Variants in MFN2 observed in about 807,000 individuals in gnomAD.
MFN2 encodes the protein mitofusin 2, also known as mitofusin-2.
Under a neutral mutation model 87.5 loss-of-function variants are expected in MFN2, and 43 were observed. The observed-to-expected ratio is 0.49, with a 90% CI of 0.38 to 0.63. The LOEUF (loss-of-function observed/expected upper bound fraction) is 0.63, where lower values mean the gene tolerates loss of function less well. Among genes scored for constraint, MFN2 ranks in the 30% least tolerant of loss-of-function variants. The probability of loss-of-function intolerance (pLI) is 0.00; values close to 1 mark genes in which losing one functional copy is unlikely to be tolerated. For synonymous variants in MFN2, 337 were observed against 359.9 expected (o/e 0.94, Z 0.72); for missense variants, 743 against 972.8 (o/e 0.76, Z 3.14).
intron 5 of MFN2, among the ~76,000 whole-genome samples, chr1:11,996,658 TG>T (rs1638919639): frequency 1.3e-5 from 2 of 152,214 alleles, no homozygotes; most frequent in African/African-American, 4.8e-5. Flanking sequence ...TGTGTGTCTC[TG>T]ACCTATCAGT....
chr1:12,013,125 A>G lies in MFN2; in HGVS notation c.*1560A>G, dbSNP rs1174787998. On this transcript the variant is annotated 3_prime_UTR_variant, in exon 19 of 19. Transcript: ENST00000235329. The stretch of plus-strand genomic sequence containing the variant: ...CGGCGTGTGCCGGGCCTGAATGGAC[A>G]GGGGCCACTTCACAGCATGTCAGGG... The G allele has an allele frequency of 5.7e-6, 2 of 348,924 alleles. No individual in the cohort carries two copies. The highest frequency in any genetic ancestry group is 2.2e-5 in the African/African-American group (1 of 46,342). 21.6% of individuals were successfully genotyped at this position (348,924 alleles called of 1,614,324 possible).
intron 4 of MFN2, among the ~76,000 whole-genome samples, chr1:11,993,418 C>CA (rs371031427): frequency 0.026 from 3,973 of 150,956 alleles, 138 homozygotes; most frequent in African/African-American, 0.081. Flanking sequence ...AGGCAAGCAT[C>CA]AAAAAAAAAT....
chr1:11,985,833 G>C (rs190743298), intron 2 of MFN2, among the ~76,000 whole-genome samples: 1 of 151,992 alleles, frequency 6.6e-6, no homozygotes, highest in African/African-American at 2.4e-5. Context: ...CCTCTTTCTC[G>C]AACAGTCTGA....
Position 12,011,508 on chromosome 1 carries a change from T to C in MFN2, c.2217T>C (p.Gly739=), listed in dbSNP as rs1176522836. 3 of 1,614,016 alleles carry C rather than the reference T, an allele frequency of 1.9e-6. No individual in the cohort carries two copies. Among genetic ancestry groups the C allele is most frequent in the African/African-American group, 1.3e-5 (1 of 74,914 alleles). The change falls in exon 19 of 19, where the codon GGT becomes GGC. Residue 739 remains glycine, a synonymous_variant. Coordinates refer to ENST00000235329, the MANE Select transcript of MFN2 (RefSeq NM_014874.4). ...CATTTCTTTGCAGGAATAAAGCCGG[T>C]TGGTTGGACAGTGAGCTCAACATGT... is the stretch of plus-strand genomic sequence containing the variant. ...SKAKLLRNKA[G]WLDSELNMFT... is the part of the protein sequence containing the mutation.
chr1:12,007,089 T>A lies in MFN2; in HGVS notation c.1909T>A (p.Ser637Thr), dbSNP rs763185826. ...KAVGWRLIAL[S>T]FGLYGLLYVY... is the part of the protein sequence containing the mutation. Reference sequence around the variant, plus strand: ...AGTGGGCTGGCGGCTCATTGCCCTCTCCTTTGGGCTCTATGGCCTCCTCTA... The same window carrying A: ...AGTGGGCTGGCGGCTCATTGCCCTCACCTTTGGGCTCTATGGCCTCCTCTA... Residue 637 changes from serine to threonine, a missense_variant, in exon 17 of 19, where the codon TCC (serine) becomes ACC (threonine). Ser to Thr is a moderately conservative substitution (Grantham distance 58). Around this residue, in one of 3 missense-constraint regions of MFN2, gnomAD observed 571 missense variants for 670.7 expected, o/e 0.85. Transcript: ENST00000235329. 23 of 1,614,140 alleles carry A rather than the reference T, an allele frequency of 1.4e-5. No homozygotes were observed. The highest frequency in any genetic ancestry group is 1.8e-5 in the Non-Finnish European group (21 of 1,180,026).
At chr1:12,000,957 A>G (rs1459669926) in intron 8 of MFN2, among the ~76,000 whole-genome samples, 2 of 152,216 alleles carry the variant, frequency 1.3e-5, no homozygotes, top group Non-Finnish European at 2.9e-5. Context: ...AGAGAGCAGA[A>G]TAGTGGGGGA....
At chr1:12,008,601 C>T (rs1385359386) in intron 17 of MFN2, among the ~76,000 whole-genome samples, 2 of 151,818 alleles carry the variant, frequency 1.3e-5, no homozygotes, top group Non-Finnish European at 2.9e-5. Context: ...CTCCTCACCT[C>T]CTAGACGGGG....
At chr1:11,998,419 G>T (rs1036880039) in intron 6 of MFN2, among the ~76,000 whole-genome samples, 2 of 151,838 alleles carry the variant, frequency 1.3e-5, no homozygotes, top group African/African-American at 4.8e-5. Flanking sequence ...ATGGTGGTGC[G>T]TGCCTGTAGT....
chr1:11,996,549 A>G (rs1207324421), intron 5 of MFN2, among the ~76,000 whole-genome samples: 1 of 152,202 alleles, frequency 6.6e-6, no homozygotes, highest in East Asian at 1.9e-4. Context: ...TTCCTCATAC[A>G]GCTCTGAGTG....
At chr1:11,991,781 G>A (rs535314999) in intron 3 of MFN2, among the ~76,000 whole-genome samples, 10 of 151,114 alleles carry the variant, frequency 6.6e-5, no homozygotes, top group Admixed American at 2.0e-4. Context: ...AAAATTAGCC[G>A]GGCGTAGTGG....
intron 15 of MFN2, 33 bp from the exon 16 acceptor site, chr1:12,006,505 T>A (rs773369140): frequency 6.2e-7 from 1 of 1,612,636 alleles, no homozygotes. Flanking sequence ...ACTCAATACG[T>A]CCCCCTCACC....
chr1:12,011,394 G>A, intron 18 of MFN2, 102 bp from the exon 19 acceptor site: 5 of 1,159,422 alleles, frequency 4.3e-6, no homozygotes, highest in East Asian at 4.7e-5. Context: ...GGAGGATGAT[G>A]TAAGGGTGTG....
chr1:11,982,338 G>GA (rs1646001807), intron 2 of MFN2, among the ~76,000 whole-genome samples: 1 of 152,148 alleles, frequency 6.6e-6, no homozygotes, highest in Non-Finnish European at 1.5e-5. Context: ...AAGTGGCTGG[G>GA]ATCTCTTGGG....
At position 11,989,024 on chromosome 1, in the gene MFN2, C is replaced by T. The variant is rs139536445; in HGVS notation, c.-4-141C>T. ...GCCTGAGACACTGTTCTTATCTCAC[C>T]GTCCTTTGTTCTAGTCCTGGAGGTT... On this transcript the variant is annotated intron_variant, in intron 2 of 18. Transcript: ENST00000235329. The T allele has an allele frequency of 1.7e-3, 1,583 of 943,050 alleles. 10 individuals carry two copies. The highest frequency in any genetic ancestry group is 3.6e-3 in the South Asian group (268 of 74,554). 58.4% of individuals were successfully genotyped at this position (943,050 alleles called of 1,614,324 possible). A position where few individuals can be genotyped will look rare whatever the true frequency, so the allele number is the denominator to read the frequency against.
Position 12,007,059 on chromosome 1 carries a change from A to G in MFN2, c.1879A>G (p.Lys627Glu), listed in dbSNP as rs1163976600. ...CTGACCATGTGCTCTGCAGGTGTGG[A>G]AGGCAGTGGGCTGGCGGCTCATTGC... ...GILVVGGVVW[K>E]AVGWRLIALS... The change falls in exon 17 of 19, where the codon AAG becomes GAG. Residue 627 changes from lysine (K) to glutamate (E), a missense_variant. Lys to Glu is a moderately conservative substitution (Grantham distance 56, BLOSUM62 1). Coordinates refer to ENST00000235329, the MANE Select transcript of MFN2 (RefSeq NM_014874.4). The G allele has an allele frequency of 3.1e-6, 5 of 1,613,558 alleles. No homozygotes were observed. The highest frequency in any genetic ancestry group is 4.2e-6 in the Non-Finnish European group (5 of 1,180,014).
At chr1:11,993,453 A>G (rs1239072891) in intron 4 of MFN2, among the ~76,000 whole-genome samples, 1 of 152,162 alleles carries the variant, frequency 6.6e-6, no homozygotes, top group African/African-American at 2.4e-5. Flanking sequence ...ATCTAAAAAT[A>G]TGCCGGGCAT....
At chr1:12,000,194 ATTAT>A (rs1320366373) in intron 8 of MFN2, among the ~76,000 whole-genome samples, 2 of 151,860 alleles carry the variant, frequency 1.3e-5, no homozygotes, top group East Asian at 1.9e-4. Context: ...CAGAGTCCAA[ATTAT>A]TTATTTTTTT....
chr1:11,987,100 A>G (rs915199484), intron 2 of MFN2, among the ~76,000 whole-genome samples: 1 of 151,900 alleles, frequency 6.6e-6, no homozygotes, highest in African/African-American at 2.4e-5. Context: ...ACTTGAGGTC[A>G]GGAGTTTGAG....
At chr1:11,997,463 C>T in intron 6 of MFN2, 42 bp downstream of exon 6, 1 of 1,612,586 alleles carries the variant, frequency 6.2e-7, no homozygotes, top group Non-Finnish European at 8.5e-7. Context: ...AACTGGAAGG[C>T]ACCAGGTTTC....
Sources: gnomAD v4.1 joint callset for allele counts (sites outside exome capture counted in the v4.1 genomes callset) on GRCh38, gnomAD v4.1.1 for gene constraint, gnomAD v4.1.1 regional missense constraint, MANE v1.5 for transcripts, NCBI Gene and HGNC (gene_info 2026-07-23, HGNC 2026-07-21) for gene names.